Variants in ZBTB4 observed in about 807,000 individuals in gnomAD.
ZBTB4 encodes the protein zinc finger and BTB domain-containing protein 4.
ZBTB4 carries 14 observed loss-of-function variants against 59.8 expected under a neutral mutation model. The observed-to-expected ratio is 0.23, with a 90% confidence interval of 0.15 to 0.37. The LOEUF is 0.37. Among genes scored for constraint, ZBTB4 ranks in the 10% least tolerant of loss-of-function variants. The probability of loss-of-function intolerance (pLI) is 1.00; values close to 1 mark genes in which losing one functional copy is unlikely to be tolerated. For synonymous variants in ZBTB4, 587 were observed against 575.2 expected, an observed-to-expected ratio of 1.02 and a Z score of -0.29; for missense variants, 1,198 against 1,380.8, an observed-to-expected ratio of 0.87 and a Z score of 2.10.
chr17:7,462,574 G>A lies in ZBTB4; in HGVS notation c.2408C>T (p.Ser803Phe), dbSNP rs2070039754. 1.2e-6 allele frequency: 2 copies of A among 1,613,428 alleles called. No homozygotes were observed. Among genetic ancestry groups the A allele is most frequent in the Non-Finnish European group, 1.7e-6 (2 of 1,179,816 alleles). The change falls in exon 4 of 4, where the codon TCC (serine) becomes TTC (phenylalanine). Residue 803 changes from serine (S) to phenylalanine (F), a missense_variant. Physicochemically the swap from Ser to Phe is radical, Grantham distance 155. This residue lies in a region of ZBTB4 where 550 missense variants were observed against 541.8 expected (regional missense o/e 1.02). Coordinates refer to ENST00000380599, the MANE Select transcript of ZBTB4 (RefSeq NM_001128833.2). This position sits in a 1 kb window ranked among gnomAD's most constrained non-coding sequence, Gnocchi z 7.5. ...GGTPTPVIAY[S>F]KGSAGTRPGD... The stretch of plus-strand genomic sequence containing the variant: ...GGGCCTGGTGCCAGCGCTGCCCTTG[G>A]AATAGGCAATGACAGGGGTTGGGGT...
Position 7,466,155 on chromosome 17 carries a change from T to A in ZBTB4, c.647A>T (p.Asp216Val). ...GTCAGGGGCCTGGGCCTCAGCCCTG[T>A]CACCCTCCCACTCCCCAGCTGGCCT... ...GPRPAGEWEG[D>V]RAEAQAPDLQ... The change falls in exon 3 of 4, where the codon GAC becomes GTC. Residue 216 changes from aspartate (D) to valine (V), a missense_variant. Physicochemically the swap from Asp to Val is radical, Grantham distance 152 (BLOSUM62 -3). This residue lies in a region of ZBTB4 where 204 missense variants were observed against 205.5 expected (regional missense o/e 0.99). Coordinates refer to ENST00000380599, the MANE Select transcript of ZBTB4 (RefSeq NM_001128833.2). The surrounding 1 kb of genome is among the most constrained non-coding windows in gnomAD (Gnocchi z 9.1). 1 of 1,612,784 alleles carries A rather than the reference T, an allele frequency of 6.2e-7. No individual in the cohort carries two copies. Among genetic ancestry groups the A allele is most frequent in the South Asian group, 1.1e-5 (1 of 91,052 alleles).
chr17:7,481,351 G>GA, upstream of ZBTB4: 1 of 1,144,506 alleles, frequency 8.7e-7, no homozygotes. Flanking sequence ...AAGAAAGAAA[G>GA]AAAGAAAAGA....
chr17:7,462,483 G>A lies in ZBTB4; in HGVS notation c.2499C>T (p.Gly833=), dbSNP rs549098841. ...QVSSSSGEAG[G]GSTAAEEASE... Reference sequence around the variant, plus strand: ...AAGCTTCCTCAGCAGCAGTGCTCCCGCCACCTGCCTCACCGCTGGATGAGG... The same window carrying A: ...AAGCTTCCTCAGCAGCAGTGCTCCCACCACCTGCCTCACCGCTGGATGAGG... The change falls in exon 4 of 4, where the codon GGC becomes GGT. Residue 833 remains glycine (G), a synonymous_variant. Coordinates refer to ENST00000380599, the MANE Select transcript of ZBTB4 (RefSeq NM_001128833.2). This position sits in a 1 kb window ranked among gnomAD's most constrained non-coding sequence, Gnocchi z 7.5. 5.8e-5 allele frequency: 94 copies of A among 1,613,806 alleles called. No individual in the cohort carries two copies. Among genetic ancestry groups the A allele is most frequent in the Non-Finnish European group, 7.4e-5 (87 of 1,180,002 alleles).
chr17:7,480,274 G>C (rs2070327557), upstream of ZBTB4, among the ~76,000 whole-genome samples: 2 of 152,084 alleles, frequency 1.3e-5, no homozygotes, highest in South Asian at 4.1e-4. Context: ...TCGGCCTCTG[G>C]GGACAGCATC....
intron 1 of ZBTB4, among the ~76,000 whole-genome samples, chr17:7,474,220 CT>C (rs67462449): frequency 8.6e-6 from 1 of 116,110 alleles, no homozygotes; most frequent in African/African-American, 3.3e-5. Context: ...CATGGCCAGA[CT>C]TTTTTTTTTT....
intron 1 of ZBTB4, among the ~76,000 whole-genome samples, chr17:7,471,530 T>C (rs1178148381): frequency 6.6e-6 from 1 of 152,194 alleles, no homozygotes; most frequent in Admixed American, 6.5e-5. Flanking sequence ...CCCTTTCAGG[T>C]AGAAGGTAGG....
intron 1 of ZBTB4, among the ~76,000 whole-genome samples, chr17:7,477,106 G>A (rs2070278995): frequency 7.0e-6 from 1 of 142,092 alleles, no homozygotes. Context: ...AGTGCCCTGA[G>A]GACAGGCTGG....
At position 7,460,695 on chromosome 17, in the gene ZBTB4, G is replaced by A. The variant is rs1432218436; in HGVS notation, c.*1245C>T. 1 of 152,622 alleles carries A rather than the reference G, an allele frequency of 6.6e-6. No homozygotes were observed. Among genetic ancestry groups the A allele is most frequent in the Non-Finnish European group, 1.5e-5 (1 of 68,038 alleles). 9.5% of individuals were successfully genotyped at this position (152,622 alleles called of 1,614,324 possible). On this transcript the variant is annotated 3_prime_UTR_variant, in exon 4 of 4. Transcript: ENST00000380599. ...GGGACCCTGACCAGGGTTAACTAGT[G>A]CAAATTAGGGATTAGGGACTATTTA... is the stretch of plus-strand genomic sequence containing the variant.
chr17:7,466,435 G>T lies in ZBTB4; in HGVS notation c.367C>A (p.Pro123Thr). Reference protein sequence around the residue: ...PPASPPASSPPRVLELPGVPA... With the variant: ...PPASPPASSPTRVLELPGVPA... ...ACTCCTGGCAACTCCAGGACCCGGG[G>T]TGGGGAAGAAGCAGGGGGAGAGGCT... Residue 123 changes from proline to threonine, a missense_variant, in exon 3 of 4, where the codon CCC (proline) becomes ACC (threonine). Physicochemically the swap from Pro to Thr is conservative, Grantham distance 38. Coordinates refer to ENST00000380599, the MANE Select transcript of ZBTB4 (RefSeq NM_001128833.2). This position sits in a 1 kb window ranked among gnomAD's most constrained non-coding sequence, Gnocchi z 9.1. 1.2e-6 allele frequency: 2 copies of T among 1,613,694 alleles called. No homozygotes were observed. Among genetic ancestry groups the T allele is most frequent in the South Asian group, 1.1e-5 (1 of 91,006 alleles).
chr17:7,473,473 T>G (rs2070228351), intron 1 of ZBTB4, among the ~76,000 whole-genome samples: 2 of 152,032 alleles, frequency 1.3e-5, no homozygotes, highest in Non-Finnish European at 2.9e-5. Context: ...TCGGCCTGGC[T>G]GGTCTTAAAC....
At position 7,462,733 on chromosome 17, in the gene ZBTB4, C is replaced by A; in HGVS notation, c.2249G>T (p.Gly750Val). ...KLRKHQEAHG[G>V]GSHSSRAGRR... is the part of the protein sequence containing the mutation. ...TCCGGCCCGGGAGCTGTGGGAGCCC[C>A]CACCGTGGGCCTCTTGGTGCTTCCG... Residue 750 changes from glycine (G) to valine (V), a missense_variant, in exon 4 of 4, where the codon GGG becomes GTG. This residue lies in a region of ZBTB4 where 550 missense variants were observed against 541.8 expected (regional missense o/e 1.02). Coordinates refer to ENST00000380599, the MANE Select transcript of ZBTB4 (RefSeq NM_001128833.2). The surrounding 1 kb of genome is among the most constrained non-coding windows in gnomAD (Gnocchi z 7.5). The A allele has an allele frequency of 6.2e-7, 1 of 1,603,764 alleles. No individual in the cohort carries two copies. Among genetic ancestry groups the A allele is most frequent in the Non-Finnish European group, 8.5e-7 (1 of 1,179,802 alleles).
At chr17:7,469,359 G>A (rs1158796367) in intron 1 of ZBTB4, among the ~76,000 whole-genome samples, 2 of 151,988 alleles carry the variant, frequency 1.3e-5, no homozygotes, top group East Asian at 3.9e-4. Context: ...GTAGAGACAG[G>A]GTTTCACCGT....
chr17:7,477,105 A>AG (rs146118339), intron 1 of ZBTB4, among the ~76,000 whole-genome samples: 5,175 of 152,326 alleles, frequency 0.034, 121 homozygotes, highest in Non-Finnish European at 0.051. Flanking sequence ...AAGTGCCCTG[A>AG]GGACAGGCTG....
rs117379209 is a variant in ZBTB4, at chr17:7,462,930, C to A, written c.2052G>T (p.Val684=). 8.7e-6 allele frequency: 14 copies of A among 1,609,054 alleles called. No homozygotes were observed. In the South Asian group the frequency reaches 1.1e-4, roughly 13 times the overall value. The change falls in exon 4 of 4, where the codon GTG becomes GTT. Residue 684 remains valine (V), a synonymous_variant. Transcript: ENST00000380599. This position sits in a 1 kb window ranked among gnomAD's most constrained non-coding sequence, Gnocchi z 7.5. ...GGCCTCGGGGCAGCCCACTGCCCCC[C>A]ACACTGGCACCTCCAGCAGCTCCAG... ...RKAGAAGGAS[V]GGSGLPRGRR... is the part of the protein sequence containing the mutation.
upstream of ZBTB4, chr17:7,482,771 G>C (rs7209977): frequency 2.7e-3 from 4,377 of 1,611,526 alleles, 110 homozygotes; most frequent in African/African-American, 0.05. Context: ...GGGGATCCTC[G>C]CCTTGGTCTC....
In ZBTB4 at chr17:7,479,574, C is replaced by A. The variant is rs1042009059; in HGVS notation, c.-199G>T. On this transcript the variant is annotated 5_prime_UTR_variant, in exon 1 of 4. Coordinates refer to ENST00000380599, the MANE Select transcript of ZBTB4 (RefSeq NM_001128833.2). Reference sequence around the variant, plus strand: ...GCTCCAGCTCCGGCCCTGGCCCCCCCAGCGCCTGGCCCCGGCCCGGCCCCG... The same window carrying A: ...GCTCCAGCTCCGGCCCTGGCCCCCCAAGCGCCTGGCCCCGGCCCGGCCCCG... The A allele has an allele frequency of 5.9e-6, 1 of 169,628 alleles. No homozygotes were observed. Among genetic ancestry groups the A allele is most frequent in the South Asian group, 1.7e-4 (1 of 5,984 alleles). The allele number at this position is 169,628 out of a possible 1,614,324, so 10.5% of individuals were successfully genotyped here.
upstream of ZBTB4, chr17:7,482,114 C>T: frequency 6.2e-7 from 1 of 1,614,182 alleles, no homozygotes; most frequent in Non-Finnish European, 8.5e-7. Context: ...GCTGGTGGCC[C>T]TGCTGGGTGG....
At chr17:7,464,046 G>A (rs3867593) in intron 3 of ZBTB4, among the ~76,000 whole-genome samples, 156 bp from the exon 4 acceptor site, 116,321 of 152,066 alleles carry the variant, frequency 0.76, 45,384 homozygotes, top group Middle Eastern at 0.9. Context: ...CAGGGTGCCC[G>A]TCTGAGCTCA....
At position 7,469,756 on chromosome 17, in the gene ZBTB4, G is replaced by A. The variant is rs559228792; in HGVS notation, c.-80-2429C>T. Among the ~76,000 whole-genome samples the A allele has an allele frequency of 1.5e-4, 22 of 149,738 alleles. No individual in the cohort carries two copies. In the South Asian group the frequency reaches 3.4e-3, roughly 23 times the overall value. ...AGATCAATCCAGGCTGGGTGACAGA[G>A]TGAGACTCTGTCTCAAAAAATAAAA... On this transcript the variant is annotated intron_variant, in intron 1 of 3. Coordinates refer to ENST00000380599, the MANE Select transcript of ZBTB4 (RefSeq NM_001128833.2).
Sources: gnomAD v4.1 joint callset for allele counts (sites outside exome capture counted in the v4.1 genomes callset) on GRCh38, gnomAD v4.1.1 for gene constraint, gnomAD v4.1.1 regional missense constraint, Gnocchi (gnomAD v3.1) non-coding constraint, MANE v1.5 for transcripts, NCBI Gene and HGNC (gene_info 2026-07-23, HGNC 2026-07-21) for gene names.